Variants in KCNQ5 observed in about 807,000 individuals in gnomAD.
KCNQ5 encodes the protein potassium voltage-gated channel subfamily KQT member 5.
KCNQ5 carries 30 observed loss-of-function variants against 98.2 expected under a neutral mutation model. The observed-to-expected ratio is 0.31, with a 90% confidence interval of 0.23 to 0.41. KCNQ5 has a LOEUF of 0.41. Among genes scored for constraint, KCNQ5 ranks in the 10% least tolerant of loss-of-function variants. The pLI, the probability that KCNQ5 is intolerant of heterozygous loss-of-function variation, is 1.00. For missense variants in KCNQ5, 835 were observed against 1,182.5 expected (o/e 0.71, Z 4.31); for synonymous variants, 458 against 449.4 (o/e 1.02, Z -0.24).
intron 2 of KCNQ5, among the ~76,000 whole-genome samples, chr6:73,038,259 A>G (rs183623483): frequency 1.3e-5 from 2 of 152,182 alleles, no homozygotes; most frequent in African/African-American, 2.4e-5. Context: ...TTGTTTCAAG[A>G]GTGTCTTCGT....
chr6:72,859,626 G>C (rs1673095416), intron 1 of KCNQ5, among the ~76,000 whole-genome samples: 1 of 150,458 alleles, frequency 6.6e-6, no homozygotes, highest in Non-Finnish European at 1.5e-5. Context: ...TGTCGCCCAG[G>C]CTGAAGTGCA....
chr6:72,907,641 A>G (rs1433905020), intron 1 of KCNQ5, among the ~76,000 whole-genome samples: 1 of 152,136 alleles, frequency 6.6e-6, no homozygotes, highest in Non-Finnish European at 1.5e-5. Context: ...CAATCATATG[A>G]CATGACAGAC....
intron 1 of KCNQ5, among the ~76,000 whole-genome samples, chr6:72,639,887 G>A (rs903818493): frequency 1.6e-4 from 25 of 151,962 alleles, no homozygotes; most frequent in Non-Finnish European, 2.8e-4. Flanking sequence ...CCTGAGAAGT[G>A]GAAAGATTAA....
chr6:72,790,765 G>A (rs116955832), intron 1 of KCNQ5, among the ~76,000 whole-genome samples: 2,090 of 152,150 alleles, frequency 0.014, 28 homozygotes, highest in Non-Finnish European at 0.022. Flanking sequence ...TTCTATTAGG[G>A]AAAAATAAAG....
Position 73,056,344 on chromosome 6 carries a change from C to T in KCNQ5, c.616+14282C>T, listed in dbSNP as rs1772490713. On this transcript the variant is annotated intron_variant, in intron 3 of 13. Transcript: ENST00000370398. Reference sequence around the variant, plus strand: ...TCCTCCCTGACCCCAGAGGAACTGGCTCTAGAAGGTTGGGATCAATCCTGA... The same window carrying T: ...TCCTCCCTGACCCCAGAGGAACTGGTTCTAGAAGGTTGGGATCAATCCTGA... 3.3e-5 allele frequency among the ~76,000 whole-genome samples: 5 copies of T among 151,920 alleles called. No homozygotes were observed. The South Asian group carries it at 1.0e-3, about 32-fold the overall frequency.
At chr6:72,963,772 C>T (rs1350133980) in intron 1 of KCNQ5, among the ~76,000 whole-genome samples, 6 of 152,166 alleles carry the variant, frequency 3.9e-5, no homozygotes, top group East Asian at 1.9e-4. Flanking sequence ...AAGCAATTCT[C>T]GTGCCTCAGC....
chr6:72,766,709 G>T (rs1207533602), intron 1 of KCNQ5, among the ~76,000 whole-genome samples: 1 of 151,916 alleles, frequency 6.6e-6, no homozygotes, highest in African/African-American at 2.4e-5. Flanking sequence ...AGCAAATGGT[G>T]GCACCATTTG....
intron 1 of KCNQ5, among the ~76,000 whole-genome samples, chr6:72,848,359 C>A (rs1283939643): frequency 6.6e-6 from 1 of 152,044 alleles, no homozygotes; most frequent in Non-Finnish European, 1.5e-5. Context: ...TCTCCTCATC[C>A]CCCTACCCCC....
chr6:72,699,675 A>G (rs563959615), intron 1 of KCNQ5, among the ~76,000 whole-genome samples: 36 of 152,204 alleles, frequency 2.4e-4, no homozygotes, highest in Non-Finnish European at 4.7e-4. Context: ...GATTTATTTA[A>G]TATAAGAATA....
chr6:72,842,296 G>A (rs933724176), intron 1 of KCNQ5, among the ~76,000 whole-genome samples: 6 of 152,230 alleles, frequency 3.9e-5, no homozygotes, highest in Admixed American at 6.5e-5. Flanking sequence ...GTCTTTTTAC[G>A]ATAGCTGGCA....
chr6:72,641,756 A>G (rs1039883717), intron 1 of KCNQ5, among the ~76,000 whole-genome samples: 3 of 152,112 alleles, frequency 2.0e-5, no homozygotes, highest in East Asian at 1.9e-4. Flanking sequence ...GAATTTTGGT[A>G]TCTAAAATTG....
At chr6:72,878,666 T>C (rs915760017) in intron 1 of KCNQ5, among the ~76,000 whole-genome samples, 3 of 152,232 alleles carry the variant, frequency 2.0e-5, no homozygotes, top group African/African-American at 7.2e-5. Flanking sequence ...GCCTACTTAA[T>C]GACTGAGCTG....
Position 73,141,963 on chromosome 6 carries a change from T to C in KCNQ5, c.1468+8322T>C, listed in dbSNP as rs554922375. 2.0e-5 allele frequency among the ~76,000 whole-genome samples: 3 copies of C among 152,332 alleles called. No individual in the cohort carries two copies. In the East Asian group the frequency reaches 5.8e-4, roughly 29 times the overall value. On this transcript the variant is annotated intron_variant, in intron 10 of 13. Coordinates refer to ENST00000370398, the MANE Select transcript of KCNQ5 (RefSeq NM_019842.4). ...AATGGTTATGGCTCAAAATCTCATA[T>C]GAGGTTGCAGTCAAGCTCTTGGCTG...
chr6:73,168,597 C>A (rs1300447106), intron 10 of KCNQ5, among the ~76,000 whole-genome samples: 3 of 151,856 alleles, frequency 2.0e-5, no homozygotes, highest in Non-Finnish European at 4.4e-5. Context: ...CAGCTACTTG[C>A]GGGGCTGAGG....
chr6:73,014,956 T>C (rs1175054838), intron 2 of KCNQ5, among the ~76,000 whole-genome samples: 1 of 152,048 alleles, frequency 6.6e-6, no homozygotes, highest in African/African-American at 2.4e-5. Context: ...CCTTGCAAAG[T>C]AGAAAGGTTT....
At chr6:73,190,436 C>T in intron 11 of KCNQ5, 137 bp from the exon 12 acceptor site, 1 of 395,616 alleles carries the variant, frequency 2.5e-6, no homozygotes, top group Non-Finnish European at 4.4e-6. Flanking sequence ...TTTTATATTA[C>T]ACATCTGCAG....
intron 1 of KCNQ5, among the ~76,000 whole-genome samples, chr6:72,863,738 A>AT (rs1334991423): frequency 1.3e-5 from 2 of 152,178 alleles, no homozygotes; most frequent in Non-Finnish European, 2.9e-5. Flanking sequence ...ATTTTTTAGA[A>AT]TTTTTTTAAA....
chr6:73,158,034 C>G, intron 10 of KCNQ5: 1 of 687,710 alleles, frequency 1.5e-6, no homozygotes, highest in South Asian at 1.5e-5. Context: ...CATGGGGAGG[C>G]CGCTGATAGT....
intron 2 of KCNQ5, among the ~76,000 whole-genome samples, chr6:73,023,192 C>T (rs1195204357): frequency 6.6e-6 from 1 of 152,052 alleles, no homozygotes; most frequent in African/African-American, 2.4e-5. Context: ...TGAGGCCAAG[C>T]CATCAAGGGG....
Sources: gnomAD v4.1 joint callset for allele counts (sites outside exome capture counted in the v4.1 genomes callset) on GRCh38, gnomAD v4.1.1 for gene constraint, MANE v1.5 for transcripts, NCBI Gene and HGNC (gene_info 2026-07-23, HGNC 2026-07-21) for gene names.